Variants in ARID5A observed in about 807,000 individuals in gnomAD.
ARID5A encodes AT-rich interaction domain 5A.
A neutral mutation model predicts 30.5 loss-of-function variants in ARID5A; 14 were observed. The observed-to-expected ratio is 0.46, with a 90% confidence interval of 0.30 to 0.72. The LOEUF is 0.72. Ranked by LOEUF, ARID5A falls within the 30% of genes least tolerant of loss-of-function variation. The pLI, the probability that ARID5A is intolerant of heterozygous loss-of-function variation, is 0.07. For missense variants in ARID5A, 669 were observed against 786.2 expected (o/e 0.85, Z 1.78); for synonymous variants, 338 against 340.4 (o/e 0.99, Z 0.08).
rs1194883882 is a variant in ARID5A, at chr2:96,539,916, TC to T, written c.4+3089del. Among the ~76,000 whole-genome samples the T allele has an allele frequency of 2.0e-5, 3 of 152,204 alleles. No individual in the cohort carries two copies. The highest frequency in any genetic ancestry group is 4.4e-5 in the Non-Finnish European group (3 of 68,030). On this transcript the variant is annotated intron_variant, in intron 1 of 6. Transcript: ENST00000357485. This position sits in a 1 kb window ranked among gnomAD's most constrained non-coding sequence, Gnocchi z 4.7. ...GAGCACAGATAAGGAACTTGAGGTC[TC>T]CCTGCTCCCATTAGAAAGAAAAAAA...
At chr2:96,540,408 C>T (rs572218313) in intron 1 of ARID5A, among the ~76,000 whole-genome samples, 8 of 152,330 alleles carry the variant, frequency 5.3e-5, no homozygotes, top group East Asian at 1.9e-4. Context: ...AGCCCAGGCT[C>T]ATCTTCTGGC....
chr2:96,544,416 C>T (rs1252190659), intron 1 of ARID5A, among the ~76,000 whole-genome samples: 1 of 152,212 alleles, frequency 6.6e-6, no homozygotes, highest in East Asian at 1.9e-4. Context: ...GCAGCTGGTA[C>T]TGGTGACTTT....
Position 96,552,264 on chromosome 2 carries a change from TCA to T in ARID5A, c.1739_1740del (p.Thr580AsnfsTer43). On this transcript the variant is annotated frameshift_variant, in exon 7 of 7. Transcript: ENST00000357485. LOFTEE classifies it high-confidence loss of function. The stretch of plus-strand genomic sequence containing the variant: ...TCATCTGCCTGGCACGCACCACCAG[TCA>T]CAACCTATGCAGCGCCCCACTTCTT... 6.2e-7 allele frequency: 1 copy of T among 1,613,128 alleles called. No homozygotes were observed. Among genetic ancestry groups the T allele is most frequent in the Non-Finnish European group, 8.5e-7 (1 of 1,179,764 alleles).
chr2:96,538,362 C>T, intron 1 of ARID5A: 1 of 982,340 alleles, frequency 1.0e-6, no homozygotes, highest in Non-Finnish European at 1.2e-6. Context: ...AGTTGGTAGC[C>T]TCACATTCAG....
At position 96,549,762 on chromosome 2, in the gene ARID5A, G is replaced by C; in HGVS notation, c.269G>C (p.Trp90Ser). ...CTCTTCTCTCCCCCAGTTAACCTGT[G>C]GAAGATCTACAAAGCAGTGGAGAAG... ...PHLGFKQINL[W>S]KIYKAVEKLG... Residue 90 changes from tryptophan to serine, a missense_variant, in exon 4 of 7, where the codon TGG becomes TCG. By Grantham distance (177) the Trp-to-Ser change is radical. Around this residue, in one of 4 missense-constraint regions of ARID5A, gnomAD observed 64 missense variants for 119.7 expected, o/e 0.53. Coordinates refer to ENST00000357485, the MANE Select transcript of ARID5A (RefSeq NM_212481.3). The surrounding 1 kb of genome is among the most constrained non-coding windows in gnomAD (Gnocchi z 6.1). 1 of 1,613,914 alleles carries C rather than the reference G, an allele frequency of 6.2e-7. No homozygotes were observed. The highest frequency in any genetic ancestry group is 8.5e-7 in the Non-Finnish European group (1 of 1,179,944).
Position 96,551,652 on chromosome 2 carries a change from C to G in ARID5A, c.1124C>G (p.Pro375Arg), listed in dbSNP as rs375642531. Reference sequence around the variant, plus strand: ...AAAGATGGGGTGCTATTGGGGCCTCCTGGCAAAGAGGGGCTGTCAGTGAAA... The same window carrying G: ...AAAGATGGGGTGCTATTGGGGCCTCGTGGCAAAGAGGGGCTGTCAGTGAAA... The part of the protein sequence containing the change: ...RLKDGVLLGP[P>R]GKEGLSVKEP... Residue 375 changes from proline to arginine, a missense_variant, in exon 7 of 7, where the codon CCT becomes CGT. This residue lies in a region of ARID5A where 548 missense variants were observed against 577.4 expected (regional missense o/e 0.95). Transcript: ENST00000357485. 148 of 1,524,668 alleles carry G rather than the reference C, an allele frequency of 9.7e-5. No individual in the cohort carries two copies. The highest frequency in any genetic ancestry group is 1.8e-4 in the Admixed American group (8 of 44,888). 94.4% of individuals were successfully genotyped at this position (1,524,668 alleles called of 1,614,324 possible).
chr2:96,550,181 C>G lies in ARID5A; in HGVS notation c.313-7C>G, dbSNP rs764212340. 5 of 1,534,494 alleles carry G rather than the reference C, an allele frequency of 3.3e-6. No homozygotes were observed. Among genetic ancestry groups the G allele is most frequent in the Admixed American group, 4.0e-5 (2 of 50,074 alleles). ...GCCGGCCGCGCCCTCACGAGGTGCCCTTGCAGGTGACCGGGCGCCGCCTCT... is the reference window on the plus strand; with the variant it reads ...GCCGGCCGCGCCCTCACGAGGTGCCGTTGCAGGTGACCGGGCGCCGCCTCT... On this transcript the variant is annotated splice_region_variant and splice_polypyrimidine_tract_variant and intron_variant, in intron 4 of 6. Coordinates refer to ENST00000357485, the MANE Select transcript of ARID5A (RefSeq NM_212481.3). This position sits in a 1 kb window ranked among gnomAD's most constrained non-coding sequence, Gnocchi z 6.6.
chr2:96,551,621 A>G lies in ARID5A; in HGVS notation c.1093A>G (p.Arg365Gly). The G allele has an allele frequency of 6.5e-7, 1 of 1,541,878 alleles. No individual in the cohort carries two copies. The highest frequency in any genetic ancestry group is 2.3e-5 in the East Asian group (1 of 44,330). Residue 365 changes from arginine to glycine, a missense_variant, in exon 7 of 7, where the codon AGA (arginine) becomes GGA (glycine). Physicochemically the swap from Arg to Gly is moderately radical, Grantham distance 125. This residue lies in a region of ARID5A where 548 missense variants were observed against 577.4 expected (regional missense o/e 0.95). Coordinates refer to ENST00000357485, the MANE Select transcript of ARID5A (RefSeq NM_212481.3). ...VSQHPRDFFS[R>G]LKDGVLLGPP... ...CCAGCACCCCAGGGACTTCTTCTCTAGACTTAAAGATGGGGTGCTATTGGG... is the reference window on the plus strand; with the variant it reads ...CCAGCACCCCAGGGACTTCTTCTCTGGACTTAAAGATGGGGTGCTATTGGG...
At chr2:96,548,133 A>T (rs993871209) in intron 2 of ARID5A, among the ~76,000 whole-genome samples, 1 of 152,148 alleles carries the variant, frequency 6.6e-6, no homozygotes, top group Non-Finnish European at 1.5e-5. Context: ...CCAGCATGTT[A>T]TGATTTCATG....
At position 96,551,974 on chromosome 2, in the gene ARID5A, C is replaced by T; in HGVS notation, c.1446C>T (p.Gly482=). ...KKCGAKPAGS[G]LVSCLLGPAL... ...GTGGGGCCAAACCTGCAGGGTCCGGCCTGGTCTCCTGCCTTCTGGGCCCAG... is the reference window on the plus strand; with the variant it reads ...GTGGGGCCAAACCTGCAGGGTCCGGTCTGGTCTCCTGCCTTCTGGGCCCAG... The change falls in exon 7 of 7, where the codon GGC becomes GGT. Residue 482 remains glycine, a synonymous_variant. Transcript: ENST00000357485. The T allele has an allele frequency of 6.6e-7, 1 of 1,520,342 alleles. No homozygotes were observed. The highest frequency in any genetic ancestry group is 8.8e-7 in the Non-Finnish European group (1 of 1,135,186). The allele number at this position is 1,520,342 out of a possible 1,614,324, so 94.2% of individuals were successfully genotyped here.
In ARID5A at chr2:96,549,523, C is replaced by T. The variant is rs551740022; in HGVS notation, c.259+64C>T. 1.6e-4 allele frequency: 248 copies of T among 1,581,262 alleles called. No individual in the cohort carries two copies. In the African/African-American group the frequency reaches 2.3e-3, roughly 15 times the overall value. On this transcript the variant is annotated intron_variant, in intron 3 of 6. Transcript: ENST00000357485. This position sits in a 1 kb window ranked among gnomAD's most constrained non-coding sequence, Gnocchi z 6.1. ...AGGGGACCCCGCCCAGGCAGGGCAT[C>T]GGGCAGGCACTCCCACTCTGGGTGA...
Position 96,549,611 on chromosome 2 carries a change from G to A in ARID5A, c.260-142G>A. On this transcript the variant is annotated intron_variant, in intron 3 of 6. Coordinates refer to ENST00000357485, the MANE Select transcript of ARID5A (RefSeq NM_212481.3). The surrounding 1 kb of genome is among the most constrained non-coding windows in gnomAD (Gnocchi z 6.1). ...TGCCACTGGGCCAGGGGTGCACAGG[G>A]CACAGCCTGCCCGTCTATTGCAGTG... The A allele has an allele frequency of 1.3e-6, 2 of 1,493,408 alleles. No homozygotes were observed. The highest frequency in any genetic ancestry group is 1.2e-5 in the South Asian group (1 of 86,052). The allele number at this position is 1,493,408 out of a possible 1,614,324, so 92.5% of individuals were successfully genotyped here. A position where few individuals can be genotyped will look rare whatever the true frequency, so the allele number is the denominator to read the frequency against.
chr2:96,551,218 G>C lies in ARID5A; in HGVS notation c.690G>C (p.Val230=). 1 of 1,614,006 alleles carries C rather than the reference G, an allele frequency of 6.2e-7. No homozygotes were observed. Among genetic ancestry groups the C allele is most frequent in the Non-Finnish European group, 8.5e-7 (1 of 1,180,014 alleles). The change falls in exon 7 of 7, where the codon GTG becomes GTC. Residue 230 remains valine, a synonymous_variant. Transcript: ENST00000357485. ...GLASGSSVSF[V]GASGCPEAYK... ...CCTCTGGGTCTTCTGTGTCCTTTGT[G>C]GGTGCCAGCGGCTGTCCTGAGGCCT... is the stretch of plus-strand genomic sequence containing the variant.
intron 1 of ARID5A, among the ~76,000 whole-genome samples, chr2:96,541,101 G>A (rs1347737525): frequency 5.1e-5 from 7 of 136,122 alleles, no homozygotes; most frequent in African/African-American, 1.7e-4. Flanking sequence ...GCAGTGGCGC[G>A]AGCTCAGCTC....
chr2:96,547,561 C>T (rs1489704201), intron 2 of ARID5A, 44 bp downstream of exon 2: 2 of 1,566,966 alleles, frequency 1.3e-6, no homozygotes, highest in South Asian at 1.1e-5. Context: ...CTCTTCCCTG[C>T]CACCCTCACC....
Position 96,549,352 on chromosome 2 carries a change from A to AGGAGCAGGAGCG in ARID5A, c.157_168dup (p.Gln53_Glu56dup). ...CCCGAGGCAGGCGGGGAGCGGGAGG[A>AGGAGCAGGAGCG]GGAGCAGGAGCGGGAGGAGGAGCAG... On this transcript the variant is annotated inframe_insertion, in exon 3 of 7. Coordinates refer to ENST00000357485, the MANE Select transcript of ARID5A (RefSeq NM_212481.3). This position sits in a 1 kb window ranked among gnomAD's most constrained non-coding sequence, Gnocchi z 6.1. 6.2e-7 allele frequency: 1 copy of AGGAGCAGGAGCG among 1,613,132 alleles called. No homozygotes were observed. The highest frequency in any genetic ancestry group is 8.5e-7 in the Non-Finnish European group (1 of 1,179,824).
At position 96,549,437 on chromosome 2, in the gene ARID5A, G is replaced by A. The variant is rs1038994968; in HGVS notation, c.237G>A (p.Val79=). The A allele has an allele frequency of 1.2e-6, 2 of 1,613,616 alleles. No individual in the cohort carries two copies. The highest frequency in any genetic ancestry group is 3.3e-5 in the Admixed American group (2 of 59,980). Residue 79 remains valine, a synonymous_variant, in exon 3 of 7, where the codon GTG becomes GTA. Coordinates refer to ENST00000357485, the MANE Select transcript of ARID5A (RefSeq NM_212481.3). The surrounding 1 kb of genome is among the most constrained non-coding windows in gnomAD (Gnocchi z 6.1). ...MKERHTPIER[V]PHLGFKQINL... ...AGCGACACACGCCCATCGAGAGGGTGCCCCATCTCGGCTTCAAGCAGAGTG... is the reference window on the plus strand; with the variant it reads ...AGCGACACACGCCCATCGAGAGGGTACCCCATCTCGGCTTCAAGCAGAGTG...
In ARID5A at chr2:96,539,504, G is replaced by A. The variant is rs983983372; in HGVS notation, c.4+2674G>A. Among the ~76,000 whole-genome samples, 5 of 152,240 alleles carry A rather than the reference G, an allele frequency of 3.3e-5. No individual in the cohort carries two copies. Among genetic ancestry groups the A allele is most frequent in the African/African-American group, 1.2e-4 (5 of 41,470 alleles). On this transcript the variant is annotated intron_variant, in intron 1 of 6. Transcript: ENST00000357485. This position sits in a 1 kb window ranked among gnomAD's most constrained non-coding sequence, Gnocchi z 4.7. ...TGCATACCTGCCTTTGCTTCGCCAG[G>A]TTGGTTGGGCCCTGGCCAGAGCTGG... is the stretch of plus-strand genomic sequence containing the variant.
rs376362879 is a variant in ARID5A, at chr2:96,552,172, C to T, written c.1644C>T (p.Ala548=). The T allele has an allele frequency of 4.5e-5, 72 of 1,613,222 alleles. No individual in the cohort carries two copies. The highest frequency in any genetic ancestry group is 9.3e-5 in the African/African-American group (7 of 74,942). Residue 548 remains alanine, a synonymous_variant, in exon 7 of 7, where the codon GCC becomes GCT. Transcript: ENST00000357485. ...CCACCGCAGGCCCCTCGCCCATGGCCGCTGGCCTGATGCACTTCCCCCCAA... is the reference window on the plus strand; with the variant it reads ...CCACCGCAGGCCCCTCGCCCATGGCTGCTGGCCTGATGCACTTCCCCCCAA... ...FLATAGPSPM[A]AGLMHFPPTS...
Sources: gnomAD v4.1 joint callset for allele counts (sites outside exome capture counted in the v4.1 genomes callset) on GRCh38, gnomAD v4.1.1 for gene constraint, gnomAD v4.1.1 regional missense constraint, Gnocchi (gnomAD v3.1) non-coding constraint, MANE v1.5 for transcripts, NCBI Gene and HGNC (gene_info 2026-07-23, HGNC 2026-07-21) for gene names.